The following NADSYN1 variants were observed in gnomAD, a reference collection of about 807,000 sequenced individuals.
NADSYN1 encodes the protein glutamine-dependent NAD(+) synthetase.
Under a neutral mutation model 99.3 loss-of-function variants are expected in NADSYN1, and 80 were observed. The observed-to-expected ratio is 0.81, with a 90% CI of 0.67 to 0.97. NADSYN1 has a LOEUF of 0.97. NADSYN1 is among the 50% of genes least tolerant of loss of function. The probability of loss-of-function intolerance (pLI) is 0.00; values close to 1 mark genes in which losing one functional copy is unlikely to be tolerated. For synonymous variants in NADSYN1, 385 were observed against 372.1 expected, an observed-to-expected ratio of 1.03 and a Z score of -0.40; for missense variants, 859 against 948.5, an observed-to-expected ratio of 0.91 and a Z score of 1.24.
Position 71,497,576 on chromosome 11 carries a change from C to T in NADSYN1, c.1858C>T (p.Leu620Phe), listed in dbSNP as rs781190608. Residue 620 changes from leucine (L) to phenylalanine (F), a missense_variant, in exon 19 of 21, where the codon CTC (leucine) becomes TTC (phenylalanine). Physicochemically the swap from Leu to Phe is conservative, Grantham distance 22 (BLOSUM62 0). Coordinates refer to ENST00000319023, the MANE Select transcript of NADSYN1 (RefSeq NM_018161.5). Reference sequence around the variant, plus strand: ...GCCCTACAGCATGTTCTGCAAACTCCTCGGCATGTGGAGACACATCTGCAC... The same window carrying T: ...GCCCTACAGCATGTTCTGCAAACTCTTCGGCATGTGGAGACACATCTGCAC... Reference protein sequence around the residue: ...MGPYSMFCKLLGMWRHICTPR... With the variant: ...MGPYSMFCKLFGMWRHICTPR... 2 of 1,614,166 alleles carry T rather than the reference C, an allele frequency of 1.2e-6. No individual in the cohort carries two copies. Among genetic ancestry groups the T allele is most frequent in the East Asian group, 4.5e-5 (2 of 44,868 alleles).
intron 7 of NADSYN1, 90 bp downstream of exon 7, chr11:71,473,456 C>T (rs1949642445): frequency 6.6e-7 from 1 of 1,515,936 alleles, no homozygotes; most frequent in Non-Finnish European, 9.1e-7. Flanking sequence ...GGGGCCGTGG[C>T]CGTGGCCGTG....
intron 1 of NADSYN1, among the ~76,000 whole-genome samples, chr11:71,454,752 T>C (rs1949502003): frequency 6.6e-6 from 1 of 152,238 alleles, no homozygotes. Context: ...GGGCATTTCC[T>C]TGTTAATAAA....
chr11:71,474,446 C>T lies in NADSYN1; in HGVS notation c.718C>T (p.Leu240=). The part of the protein sequence containing the change: ...ANQKGCDGDR[L]YYDGCAMIAM... ...CCAGAAGGGTTGTGACGGGGACCGCCTGTACTACGACGGCTGTGCCATGAT... is the reference window on the plus strand; with the variant it reads ...CCAGAAGGGTTGTGACGGGGACCGCTTGTACTACGACGGCTGTGCCATGAT... Residue 240 remains leucine, a synonymous_variant, in exon 9 of 21, where the codon CTG becomes TTG. Transcript: ENST00000319023. 1.2e-6 allele frequency: 2 copies of T among 1,614,226 alleles called. No homozygotes were observed. Among genetic ancestry groups the T allele is most frequent in the Non-Finnish European group, 1.7e-6 (2 of 1,180,042 alleles).
chr11:71,468,572 TA>T (rs1290242460), intron 5 of NADSYN1, among the ~76,000 whole-genome samples: 1 of 152,082 alleles, frequency 6.6e-6, no homozygotes, highest in East Asian at 1.9e-4. Flanking sequence ...TAATTCCAAA[TA>T]AAGCATAAAT....
At chr11:71,471,150 C>G (rs1340450623) in intron 5 of NADSYN1, among the ~76,000 whole-genome samples, 1 of 152,168 alleles carries the variant, frequency 6.6e-6, no homozygotes, top group African/African-American at 2.4e-5. Flanking sequence ...TCATGAACGC[C>G]TCGGTGTCAG....
chr11:71,457,354 G>T (rs541260811), intron 2 of NADSYN1, among the ~76,000 whole-genome samples: 1 of 152,362 alleles, frequency 6.6e-6, no homozygotes, highest in Non-Finnish European at 1.5e-5. Flanking sequence ...TGGTTTTGGG[G>T]TTTATGCAGG....
chr11:71,484,270 A>T, intron 14 of NADSYN1, 42 bp from the exon 15 acceptor site: 2 of 1,602,670 alleles, frequency 1.2e-6, no homozygotes, highest in Non-Finnish European at 1.7e-6. Context: ...ACATGCACAC[A>T]CGTGCACATG....
rs759644794 is a variant in NADSYN1, at chr11:71,478,438, A to G, written c.842A>G (p.Tyr281Cys). ...CTGGATCTGGAGGACGTCCGGAGCT[A>G]CAGGGCGGAGATTTCATCTCGAAAC... ...ATLDLEDVRS[Y>C]RAEISSRNLA... Residue 281 changes from tyrosine to cysteine, a missense_variant, in exon 10 of 21, where the codon TAC (tyrosine) becomes TGC (cysteine). Transcript: ENST00000319023. The G allele has an allele frequency of 1.9e-6, 3 of 1,609,252 alleles. No individual in the cohort carries two copies. In the East Asian group the frequency reaches 6.7e-5, roughly 36 times the overall value.
chr11:71,466,923 A>C (rs1264911571), intron 5 of NADSYN1, among the ~76,000 whole-genome samples: 1 of 151,976 alleles, frequency 6.6e-6, no homozygotes, highest in Non-Finnish European at 1.5e-5. Flanking sequence ...AGGGTTTCCT[A>C]CGCCTGGAGA....
chr11:71,461,284 G>A (rs904589105), intron 3 of NADSYN1, among the ~76,000 whole-genome samples: 5 of 152,218 alleles, frequency 3.3e-5, no homozygotes, highest in East Asian at 1.9e-4. Context: ...CGGAGGGCCC[G>A]TATTTTATTT....
In NADSYN1 at chr11:71,497,215, C is replaced by A. The variant is rs115539004; in HGVS notation, c.1765-268C>A. ...CCAAATAAAGTCACATCCCCAGGAA[C>A]TGGGCCTTCAGACATGAGCGCTCCT... is the stretch of plus-strand genomic sequence containing the variant. On this transcript the variant is annotated intron_variant, in intron 18 of 20. Transcript: ENST00000319023. 1,695 of 443,372 alleles carry A rather than the reference C, an allele frequency of 3.8e-3. 26 individuals carry two copies. Among genetic ancestry groups the A allele is most frequent in the African/African-American group, 0.031 (1,552 of 50,416 alleles). 27.5% of individuals were successfully genotyped at this position (443,372 alleles called of 1,614,324 possible). A position where few individuals can be genotyped will look rare whatever the true frequency, so the allele number is the denominator to read the frequency against.
intron 5 of NADSYN1, among the ~76,000 whole-genome samples, chr11:71,468,997 CTG>C (rs534375843): frequency 6.6e-6 from 1 of 152,242 alleles, no homozygotes; most frequent in South Asian, 2.1e-4. Flanking sequence ...TGGAGATTGC[CTG>C]TGTGTGTGAA....
chr11:71,494,345 T>C (rs1949804693), intron 18 of NADSYN1, among the ~76,000 whole-genome samples: 1 of 152,160 alleles, frequency 6.6e-6, no homozygotes, highest in Non-Finnish European at 1.5e-5. Context: ...TACAGCAACA[T>C]GCTGTGCACG....
intron 1 of NADSYN1, among the ~76,000 whole-genome samples, chr11:71,454,676 G>A (rs1374103612): frequency 6.6e-6 from 1 of 152,206 alleles, no homozygotes; most frequent in Non-Finnish European, 1.5e-5. Flanking sequence ...GTAAGCCGAT[G>A]GTGCCTGACA....
chr11:71,474,842 G>T (rs1324941752), intron 9 of NADSYN1: 3 of 382,062 alleles, frequency 7.9e-6, no homozygotes, highest in African/African-American at 2.1e-5. Flanking sequence ...GGGACCTCCC[G>T]CCCTCGGGTC....
At chr11:71,491,963 G>T in intron 18 of NADSYN1, 60 bp downstream of exon 18, 1 of 1,512,710 alleles carries the variant, frequency 6.6e-7, no homozygotes. Context: ...CTGTGTGGTG[G>T]TGCTGGCTCT....
At chr11:71,457,747 C>G (rs1189854374) in intron 2 of NADSYN1, among the ~76,000 whole-genome samples, 1 of 152,170 alleles carries the variant, frequency 6.6e-6, no homozygotes, top group East Asian at 1.9e-4. Context: ...TCATTGCTCC[C>G]ATCTCTGCCT....
intron 1 of NADSYN1, among the ~76,000 whole-genome samples, chr11:71,454,412 A>G (rs1160618701): frequency 6.6e-6 from 1 of 152,208 alleles, no homozygotes; most frequent in Non-Finnish European, 1.5e-5. Context: ...AGGTTTCACC[A>G]TGGTGGCCAT....
intron 13 of NADSYN1, 143 bp from the exon 14 acceptor site, chr11:71,482,706 C>G: frequency 4.4e-6 from 3 of 679,252 alleles, no homozygotes; most frequent in East Asian, 3.2e-5. Flanking sequence ...GGGGTGTAGA[C>G]CGGGGTGGAG....
Sources: allele counts gnomAD v4.1 joint callset (sites outside exome capture counted in the v4.1 genomes callset), GRCh38; gene constraint gnomAD v4.1.1; transcripts MANE v1.5; gene names NCBI Gene and HGNC (gene_info 2026-07-23, HGNC 2026-07-21).